Variants in LMF1 observed in about 807,000 individuals in gnomAD.
LMF1 encodes the protein transmembrane protein 112.
In LMF1, 68 loss-of-function variants were observed where a neutral mutation model predicts 60.6. That is an observed-to-expected ratio of 1.12 (90% CI 0.92 to 1.37). The LOEUF is 1.37. Ranked by LOEUF, LMF1 falls within the 40% of genes most tolerant of loss-of-function variation. The probability of loss-of-function intolerance (pLI) is 0.00; values close to 1 mark genes in which losing one functional copy is unlikely to be tolerated. For synonymous variants in LMF1, 418 were observed against 324.7 expected (o/e 1.29, Z -3.09); for missense variants, 948 against 767.2 (o/e 1.24, Z -2.78).
chr16:891,503 C>A (rs2070487853), intron 5 of LMF1, among the ~76,000 whole-genome samples: 1 of 152,234 alleles, frequency 6.6e-6, no homozygotes, highest in Non-Finnish European at 1.5e-5. Context: ...GCCCACTGCA[C>A]CACTGCTGTC....
At chr16:870,638 G>T in intron 8 of LMF1, 91 bp downstream of exon 8, 1 of 1,445,316 alleles carries the variant, frequency 6.9e-7, no homozygotes, top group Non-Finnish European at 9.6e-7. Flanking sequence ...GGTCATGGGG[G>T]CCTGCACTGT....
chr16:975,054 G>T (rs1360594761), upstream of LMF1, among the ~76,000 whole-genome samples: 2 of 152,168 alleles, frequency 1.3e-5, no homozygotes, highest in Non-Finnish European at 2.9e-5. Flanking sequence ...AGGTGCGGGT[G>T]GGGGCTGAGA....
chr16:953,951 CCACCCCAAACCAGCCTCCTACATGT>C (rs1567311862), intron 2 of LMF1, among the ~76,000 whole-genome samples: 9 of 70,764 alleles, frequency 1.3e-4, no homozygotes, highest in Non-Finnish European at 2.1e-4. Context: ...ACACAGACAC[CCACCCCAAACCAGCCTCCTACATGT>C]CCACACAGAC....
chr16:955,136 A>C (rs200926112), intron 1 of LMF1, among the ~76,000 whole-genome samples: 2,456 of 40,664 alleles, frequency 0.06, 229 homozygotes, highest in African/African-American at 0.21. Context: ...AAACTAGACA[A>C]GTTACATAAA....
chr16:887,830 C>T (rs1398968777), intron 5 of LMF1, among the ~76,000 whole-genome samples: 1 of 152,114 alleles, frequency 6.6e-6, no homozygotes, highest in Admixed American at 6.5e-5. Flanking sequence ...TCTACTTAAG[C>T]AGTGGCCTAA....
At chr16:887,177 G>A (rs1330435902) in intron 5 of LMF1, 2 of 152,206 alleles carry the variant, frequency 1.3e-5, no homozygotes, top group Non-Finnish European at 2.9e-5. Flanking sequence ...GCAGTTAAAG[G>A]CATTACAGGA....
At chr16:886,134 G>GTA (rs1238733485) in intron 5 of LMF1, among the ~76,000 whole-genome samples, 1 of 152,232 alleles carries the variant, frequency 6.6e-6, no homozygotes, top group Non-Finnish European at 1.5e-5. Context: ...AACCGCCGTA[G>GTA]GGTAGTGGGT....
chr16:918,661 CG>C (rs972554059), intron 3 of LMF1, among the ~76,000 whole-genome samples: 4 of 152,166 alleles, frequency 2.6e-5, no homozygotes, highest in Non-Finnish European at 4.4e-5. Context: ...TCCTGGGTCA[CG>C]GGGTGTGCCT....
chr16:926,707 A>G (rs1455428786), intron 3 of LMF1, among the ~76,000 whole-genome samples: 1 of 152,218 alleles, frequency 6.6e-6, no homozygotes, highest in East Asian at 1.9e-4. Context: ...ACCACGGCCC[A>G]CACCCTAAGG....
intron 3 of LMF1, among the ~76,000 whole-genome samples, chr16:929,521 C>T (rs941447224): frequency 3.3e-5 from 5 of 152,370 alleles, no homozygotes; most frequent in East Asian, 1.9e-4. Context: ...CGGGTCCTCT[C>T]GGGTTCCCGC....
intron 3 of LMF1, 137 bp from the exon 4 acceptor site, chr16:911,216 C>T (rs569335978): frequency 8.8e-5 from 88 of 1,000,004 alleles, no homozygotes; most frequent in East Asian, 3.7e-4. Flanking sequence ...CCAGCCCGCA[C>T]GTATTAGTCT....
chr16:877,062 G>A (rs1018139825), intron 6 of LMF1, among the ~76,000 whole-genome samples: 6 of 152,130 alleles, frequency 3.9e-5, no homozygotes, highest in African/African-American at 7.2e-5. Context: ...CCTTGAGGCC[G>A]GGCGCACACC....
intron 1 of LMF1, chr16:979,147 C>A (rs893480297): frequency 2.2e-6 from 1 of 445,526 alleles, no homozygotes; most frequent in Non-Finnish European, 4.6e-6. Flanking sequence ...TACCTGGTGA[C>A]CCTCAAGCCA....
At position 979,110 on chromosome 16, in the gene LMF1, C is replaced by A. The variant is rs141932639; in HGVS notation, c.-135+2035G>T. The A allele has an allele frequency of 2.0e-3, 914 of 453,648 alleles. 12 individuals carry two copies. Among genetic ancestry groups the A allele is most frequent in the African/African-American group, 0.017 (834 of 50,086 alleles). 28.1% of individuals were successfully genotyped at this position (453,648 alleles called of 1,614,324 possible). ...CGGCTCCATCCTGTGTGGGAAAGTG[C>A]CTGGCACACAGCAAGTGCTTAATTA... On this transcript the variant is annotated intron_variant, in intron 1 of 6. Coordinates refer to the LMF1 transcript ENST00000570014.
intron 1 of LMF1, among the ~76,000 whole-genome samples, chr16:966,463 C>T (rs1419773672): frequency 1.3e-5 from 2 of 152,212 alleles, no homozygotes; most frequent in Admixed American, 1.3e-4. Context: ...ATGGCACCCA[C>T]GAAAAGTGCC....
At chr16:866,248 G>C (rs2069605856) in intron 10 of LMF1, among the ~76,000 whole-genome samples, 1 of 152,182 alleles carries the variant, frequency 6.6e-6, no homozygotes, top group Non-Finnish European at 1.5e-5. Flanking sequence ...GACTTCTTCT[G>C]ACCTCATGCT....
At chr16:924,993 G>A (rs1005623857) in intron 3 of LMF1, among the ~76,000 whole-genome samples, 3 of 152,218 alleles carry the variant, frequency 2.0e-5, no homozygotes, top group African/African-American at 7.2e-5. Flanking sequence ...CCGGCAGCGG[G>A]GGGTGGAGGG....
upstream of LMF1, among the ~76,000 whole-genome samples, chr16:974,678 C>T (rs1035095989): frequency 6.6e-6 from 1 of 152,194 alleles, no homozygotes; most frequent in African/African-American, 2.4e-5. Flanking sequence ...CACACACAAG[C>T]CCGTGGCTGG....
At chr16:926,799 C>T (rs62013819) in intron 3 of LMF1, among the ~76,000 whole-genome samples, 3,336 of 152,298 alleles carry the variant, frequency 0.022, 51 homozygotes, top group Non-Finnish European at 0.032. Context: ...CTGCAGGTCA[C>T]AGCCAGGATG....
Sources: allele counts gnomAD v4.1 joint callset (sites outside exome capture counted in the v4.1 genomes callset), GRCh38; gene constraint gnomAD v4.1.1; transcripts MANE v1.5; gene names NCBI Gene and HGNC (gene_info 2026-07-23, HGNC 2026-07-21).